The following SYTL2 variants were observed in gnomAD, a reference collection of about 807,000 sequenced individuals.
SYTL2 encodes synaptotagmin like 2.
A neutral mutation model predicts 198.7 loss-of-function variants in SYTL2; 165 were observed. That is an observed-to-expected ratio of 0.83 (90% CI 0.73 to 0.94). SYTL2 has a LOEUF of 0.94. Among genes scored for constraint, SYTL2 ranks in the 40% least tolerant of loss-of-function variants. The probability of loss-of-function intolerance (pLI) is 0.00; values close to 1 mark genes in which losing one functional copy is unlikely to be tolerated. For synonymous variants in SYTL2, 966 were observed against 917.7 expected (o/e 1.05, Z -0.95); for missense variants, 2,835 against 2,582.8 (o/e 1.10, Z -2.12).
intron 1 of SYTL2, among the ~76,000 whole-genome samples, chr11:85,759,390 A>G (rs985253598): frequency 2.0e-5 from 3 of 152,216 alleles, no homozygotes; most frequent in African/African-American, 4.8e-5. Flanking sequence ...ACCACTTACT[A>G]GCTATAAGTC....
chr11:85,766,883 A>G (rs1472057738), intron 1 of SYTL2, among the ~76,000 whole-genome samples: 1 of 152,206 alleles, frequency 6.6e-6, no homozygotes, highest in Non-Finnish European at 1.5e-5. Context: ...CACACTCTAC[A>G]GTGACATCTA....
chr11:85,743,154 C>A (rs1461040651), intron 4 of SYTL2, among the ~76,000 whole-genome samples: 1 of 152,162 alleles, frequency 6.6e-6, no homozygotes, highest in African/African-American at 2.4e-5. Flanking sequence ...TAAGGAAATA[C>A]TGACAGGTAT....
intron 1 of SYTL2, among the ~76,000 whole-genome samples, chr11:85,777,144 G>T (rs1484362460): frequency 6.6e-6 from 1 of 152,250 alleles, no homozygotes; most frequent in Non-Finnish European, 1.5e-5. Context: ...CATTGAAGAA[G>T]TGGACATTCT....
chr11:85,833,677 ATTAG>A, the SYTL2 span, among the ~76,000 whole-genome samples: 1 of 150,800 alleles, frequency 6.6e-6, no homozygotes, highest in Non-Finnish European at 1.5e-5. Flanking sequence ...CTCTGAGGCA[ATTAG>A]TTAGTAAAAG....
intron 2 of SYTL2, among the ~76,000 whole-genome samples, chr11:85,752,991 G>A (rs1462852365): frequency 7.6e-6 from 1 of 132,274 alleles, no homozygotes; most frequent in Non-Finnish European, 1.6e-5. Context: ...ATCATAAGAT[G>A]TGGTGGCGGT....
chr11:85,757,960 C>G lies in SYTL2; in HGVS notation c.-235G>C, dbSNP rs1237066593. The G allele has an allele frequency of 9.9e-6, 5 of 502,854 alleles. No individual in the cohort carries two copies. The highest frequency in any genetic ancestry group is 6.5e-5 in the Admixed American group (2 of 30,992). The allele number at this position is 502,854 out of a possible 1,614,324, so 31.1% of individuals were successfully genotyped here. A position where few individuals can be genotyped will look rare whatever the true frequency, so the allele number is the denominator to read the frequency against. On this transcript the variant is annotated 5_prime_UTR_variant, in exon 2 of 20. Coordinates refer to ENST00000359152, the MANE Select transcript of SYTL2 (RefSeq NM_206927.4). ...TGTGGGATAGTGTCGAGAAGAGGCT[C>G]TCAGAAGGATGCTGTATTCCTTGCC...
chr11:85,708,093 G>T, intron 14 of SYTL2: 1 of 425,558 alleles, frequency 2.3e-6, no homozygotes, highest in Non-Finnish European at 4.6e-6. Flanking sequence ...AACCCGGGAG[G>T]CGAAGGTTGC....
Position 85,726,025 on chromosome 11 carries a change from T to C in SYTL2, c.3333A>G (p.Glu1111=), listed in dbSNP as rs1376725695. The C allele has an allele frequency of 6.2e-7, 1 of 1,613,352 alleles. No homozygotes were observed. Among genetic ancestry groups the C allele is most frequent in the South Asian group, 1.1e-5 (1 of 90,818 alleles). Residue 1111 remains glutamate, a synonymous_variant, in exon 8 of 20, where the codon GAA becomes GAG. Transcript: ENST00000359152. ...PVFKEEKDYS[E]QEIQESIIKT... ...TTATTATGGATTCTTGAATCTCTTG[T>C]TCTGAGTAATCCTTTTCTTCCTTAA...
chr11:85,789,837 G>A (rs574641931), intron 1 of SYTL2, among the ~76,000 whole-genome samples: 41 of 152,176 alleles, frequency 2.7e-4, no homozygotes, highest in African/African-American at 8.9e-4. Flanking sequence ...TAGAGAGAAG[G>A]CCAAAGTTAT....
chr11:85,773,061 G>A (rs1379628140), intron 1 of SYTL2, among the ~76,000 whole-genome samples: 1 of 152,124 alleles, frequency 6.6e-6, no homozygotes, highest in East Asian at 1.9e-4. Context: ...ACTTCCCACT[G>A]TATAAAAGAC....
At chr11:85,799,445 T>A (rs1325367250) in intron 1 of SYTL2, among the ~76,000 whole-genome samples, 1 of 152,172 alleles carries the variant, frequency 6.6e-6, no homozygotes, top group Non-Finnish European at 1.5e-5. Context: ...GAGCTGCAGT[T>A]TTAAGAACAG....
chr11:85,762,414 CCATCCTCCATTCAG>C (rs2092121541), intron 1 of SYTL2, among the ~76,000 whole-genome samples: 2 of 152,168 alleles, frequency 1.3e-5, no homozygotes, highest in Non-Finnish European at 1.5e-5. Flanking sequence ...CCTCTCCTAC[CCATCCTCCATTCAG>C]CATGATGCTG....
intron 1 of SYTL2, among the ~76,000 whole-genome samples, chr11:85,808,982 G>A (rs1212590814): frequency 6.6e-6 from 1 of 151,854 alleles, no homozygotes; most frequent in Admixed American, 6.6e-5. Flanking sequence ...GGGAGCTCTG[G>A]AAGCCTATAC....
chr11:85,734,347 C>G lies in SYTL2; in HGVS notation c.982G>C (p.Glu328Gln). Residue 328 changes from glutamate (E) to glutamine (Q), a missense_variant, in exon 7 of 20, where the codon GAG becomes CAG. Around this residue, in one of 3 missense-constraint regions of SYTL2, gnomAD observed 2,645 missense variants for 2,381.7 expected, o/e 1.11. Coordinates refer to ENST00000359152, the MANE Select transcript of SYTL2 (RefSeq NM_206927.4). Reference sequence around the variant, plus strand: ...GAGAATCTCACATGCTTTAATGGCTCCAGGGAGTTTGGGGAAGAGTTGTCT... The same window carrying G: ...GAGAATCTCACATGCTTTAATGGCTGCAGGGAGTTTGGGGAAGAGTTGTCT... ...LEDNSSPNSL[E>Q]PLKHVRFSAV... 2.5e-6 allele frequency: 4 copies of G among 1,614,174 alleles called. No individual in the cohort carries two copies. Among genetic ancestry groups the G allele is most frequent in the Non-Finnish European group, 3.4e-6 (4 of 1,180,024 alleles).
At chr11:85,775,683 G>C (rs950331131) in intron 1 of SYTL2, among the ~76,000 whole-genome samples, 1 of 152,238 alleles carries the variant, frequency 6.6e-6, no homozygotes, top group Non-Finnish European at 1.5e-5. Flanking sequence ...GTTTCACCAT[G>C]TTGACCAGGC....
chr11:85,809,087 G>C (rs1428413662), intron 1 of SYTL2, among the ~76,000 whole-genome samples: 1 of 152,146 alleles, frequency 6.6e-6, no homozygotes, highest in Admixed American at 6.5e-5. Flanking sequence ...CTTCCCCTAG[G>C]CTGCCTCACA....
Position 85,726,412 on chromosome 11 carries a change from A to T in SYTL2, c.2946T>A (p.Phe982Leu). 6.2e-7 allele frequency: 1 copy of T among 1,613,204 alleles called. No individual in the cohort carries two copies. The highest frequency in any genetic ancestry group is 1.1e-5 in the South Asian group (1 of 90,816). The change falls in exon 8 of 20, where the codon TTT (phenylalanine) becomes TTA (leucine). Residue 982 changes from phenylalanine (F) to leucine (L), a missense_variant. Physicochemically the swap from Phe to Leu is conservative, Grantham distance 22. This residue lies in a region of SYTL2 where 2,645 missense variants were observed against 2,381.7 expected (regional missense o/e 1.11). Coordinates refer to ENST00000359152, the MANE Select transcript of SYTL2 (RefSeq NM_206927.4). ...AGTCCCAAAACTTTCTCAAATTCTC[A>T]AACTGAGAGGGATTATAGACCTGTT... Reference protein sequence around the residue: ...NAEQVYNPSQFENLRKFWDLE... With the variant: ...NAEQVYNPSQLENLRKFWDLE...
At chr11:85,845,092 T>C in the SYTL2 span, among the ~76,000 whole-genome samples, 2 of 152,334 alleles carry the variant, frequency 1.3e-5, no homozygotes, top group Non-Finnish European at 2.9e-5. Flanking sequence ...TTCCTGCTCA[T>C]TGTCAAGTTT....
At position 85,725,096 on chromosome 11, in the gene SYTL2, G is replaced by A. The variant is rs780167104; in HGVS notation, c.4262C>T (p.Ala1421Val). 7 of 1,614,140 alleles carry A rather than the reference G, an allele frequency of 4.3e-6. No homozygotes were observed. Among genetic ancestry groups the A allele is most frequent in the Middle Eastern group, 1.6e-4 (1 of 6,062 alleles). ...GTCTGGAACTATGGTGTCCATCGTAGCCCATGGTGATATCACTCCTGGAGG... is the reference window on the plus strand; with the variant it reads ...GTCTGGAACTATGGTGTCCATCGTAACCCATGGTGATATCACTCCTGGAGG... ...LNPPGVISPW[A>V]TMDTIVPDRK... Residue 1421 changes from alanine to valine, a missense_variant, in exon 8 of 20, where the codon GCT becomes GTT. Ala to Val is a moderately conservative substitution (Grantham distance 64, BLOSUM62 0). Transcript: ENST00000359152.
Sources: allele counts gnomAD v4.1 joint callset (sites outside exome capture counted in the v4.1 genomes callset), GRCh38; gene constraint gnomAD v4.1.1; regional missense constraint gnomAD v4.1.1; transcripts MANE v1.5; gene names NCBI Gene and HGNC (gene_info 2026-07-23, HGNC 2026-07-21).